CLSTN2: variants seen among roughly 807,000 people sequenced by gnomAD.
CLSTN2 encodes the protein calsyntenin-2.
Under a neutral mutation model 101.2 loss-of-function variants are expected in CLSTN2, and 48 were observed. The observed-to-expected ratio is 0.47, with a 90% CI of 0.38 to 0.60. CLSTN2 has a LOEUF of 0.60. Among genes scored for constraint, CLSTN2 ranks in the 20% least tolerant of loss-of-function variants. The probability of loss-of-function intolerance (pLI) is 0.00; values close to 1 mark genes in which losing one functional copy is unlikely to be tolerated. For synonymous variants in CLSTN2, 481 were observed against 463.6 expected, an observed-to-expected ratio of 1.04 and a Z score of -0.48; for missense variants, 1,160 against 1,238.2, an observed-to-expected ratio of 0.94 and a Z score of 0.95.
intron 1 of CLSTN2, among the ~76,000 whole-genome samples, chr3:140,128,877 T>C (rs924020252): frequency 2.6e-5 from 4 of 151,990 alleles, no homozygotes; most frequent in African/African-American, 9.7e-5. Context: ...TTCAGAGACC[T>C]TGGCAGCAGA....
intron 2 of CLSTN2, among the ~76,000 whole-genome samples, chr3:140,184,975 G>A (rs2010465970): frequency 6.6e-6 from 1 of 152,112 alleles, no homozygotes; most frequent in African/African-American, 2.4e-5. Context: ...AGCTACCACT[G>A]GTGTGGCCCA....
intron 2 of CLSTN2, among the ~76,000 whole-genome samples, chr3:140,288,448 C>A (rs1226508447): frequency 6.6e-6 from 1 of 152,140 alleles, no homozygotes; most frequent in African/African-American, 2.4e-5. Context: ...CTATTGCAAT[C>A]ACTAAACACC....
chr3:140,122,246 C>A (rs533310272), intron 1 of CLSTN2, among the ~76,000 whole-genome samples: 1 of 152,170 alleles, frequency 6.6e-6, no homozygotes. Flanking sequence ...ATCCCCACTA[C>A]AGGAACTTGT....
At chr3:140,425,911 A>C (rs1438271685) in intron 5 of CLSTN2, among the ~76,000 whole-genome samples, 1 of 152,140 alleles carries the variant, frequency 6.6e-6, no homozygotes, top group Non-Finnish European at 1.5e-5. Flanking sequence ...CATAAGCCAG[A>C]CCTGTGTGAG....
rs146071128 is a variant in CLSTN2 at position 140,294,320 on chromosome 3, G to T, written c.233-109309G>T. 9.3e-3 allele frequency among the ~76,000 whole-genome samples: 1,414 copies of T among 152,168 alleles called. 9 individuals carry two copies. Among genetic ancestry groups the T allele is most frequent in the Non-Finnish European group, 0.016 (1,074 of 67,998 alleles). ...TAATCTCAGTAGATTAAAATACAAAGGTTTATTTATCCATGAATTAAAATA... is the reference window on the plus strand; with the variant it reads ...TAATCTCAGTAGATTAAAATACAAATGTTTATTTATCCATGAATTAAAATA... On this transcript the variant is annotated intron_variant, in intron 2 of 16. Coordinates refer to ENST00000458420, the MANE Select transcript of CLSTN2 (RefSeq NM_022131.3).
At chr3:140,376,992 T>G (rs2087924671) in intron 2 of CLSTN2, among the ~76,000 whole-genome samples, 1 of 139,734 alleles carries the variant, frequency 7.2e-6, no homozygotes, top group South Asian at 2.3e-4. Flanking sequence ...TTAGAGGATT[T>G]CAGGTTAGTG....
intron 2 of CLSTN2, among the ~76,000 whole-genome samples, chr3:140,296,578 A>G (rs543745776): frequency 2.0e-5 from 3 of 152,278 alleles, no homozygotes; most frequent in Admixed American, 6.5e-5. Flanking sequence ...TTTAATTGGG[A>G]TGCTCATCAT....
intron 1 of CLSTN2, among the ~76,000 whole-genome samples, chr3:140,159,987 A>G (rs917954029): frequency 6.6e-6 from 1 of 152,084 alleles, no homozygotes; most frequent in Non-Finnish European, 1.5e-5. Flanking sequence ...GACAGAAACA[A>G]TAGATACTAT....
At chr3:140,182,800 C>T (rs952559241) in intron 2 of CLSTN2, among the ~76,000 whole-genome samples, 6 of 152,178 alleles carry the variant, frequency 3.9e-5, no homozygotes, top group Non-Finnish European at 7.3e-5. Flanking sequence ...CCAGTTCTGT[C>T]CATGGCATCC....
At chr3:140,503,171 A>G in intron 8 of CLSTN2, among the ~76,000 whole-genome samples, 1 of 152,152 alleles carries the variant, frequency 6.6e-6, no homozygotes, top group Admixed American at 6.5e-5. Context: ...ACCCACCTAA[A>G]TGGTCCAGGA....
At chr3:140,481,685 T>G (rs1934121359) in intron 8 of CLSTN2, among the ~76,000 whole-genome samples, 1 of 152,226 alleles carries the variant, frequency 6.6e-6, no homozygotes, top group East Asian at 1.9e-4. Context: ...GTTGGATTCC[T>G]AGGTATTTTA....
intron 2 of CLSTN2, among the ~76,000 whole-genome samples, chr3:140,281,663 CTGATTAGAAGCATCAAGT>C (rs1313014496): frequency 2.6e-5 from 4 of 152,072 alleles, no homozygotes; most frequent in Non-Finnish European, 5.9e-5. Context: ...CAACCCACAG[CTGATTAGAAGCATCAAGT>C]TTTGAGATGG....
At chr3:140,307,282 A>G (rs13315006) in intron 2 of CLSTN2, among the ~76,000 whole-genome samples, 28,678 of 151,994 alleles carry the variant, frequency 0.19, 2,832 homozygotes, top group East Asian at 0.35. Flanking sequence ...CAGAGTCCCA[A>G]ACCATGTGGG....
At chr3:140,346,774 T>A (rs1254890713) in intron 2 of CLSTN2, among the ~76,000 whole-genome samples, 1 of 152,080 alleles carries the variant, frequency 6.6e-6, no homozygotes, top group East Asian at 1.9e-4. Context: ...AATAACAACC[T>A]TGAAGGTGGT....
At chr3:140,129,011 G>T (rs1316368182) in intron 1 of CLSTN2, among the ~76,000 whole-genome samples, 1 of 152,148 alleles carries the variant, frequency 6.6e-6, no homozygotes, top group African/African-American at 2.4e-5. Flanking sequence ...AGGAGATCAG[G>T]AGTGTGAACA....
intron 2 of CLSTN2, among the ~76,000 whole-genome samples, chr3:140,342,546 C>A (rs535173140): frequency 8.5e-5 from 13 of 152,236 alleles, no homozygotes; most frequent in African/African-American, 2.9e-4. Context: ...AGGGAGACAG[C>A]CCCCTCTCAT....
chr3:139,974,145 C>T (rs960510386), intron 1 of CLSTN2, among the ~76,000 whole-genome samples: 4 of 152,284 alleles, frequency 2.6e-5, no homozygotes, highest in Admixed American at 2.6e-4. Flanking sequence ...CAGTTCGACC[C>T]AAGCCCAAAG....
rs190040040 is a variant in CLSTN2, at chr3:140,555,823, C to T, written c.1675-690C>T. On this transcript the variant is annotated intron_variant, in intron 10 of 16. Transcript: ENST00000458420. ...AGGATCTATGTCCAGCTTGAGTACC[C>T]AAGTGACTCAGTGGGGAGAATCGCC... is the stretch of plus-strand genomic sequence containing the variant. 2.0e-5 allele frequency among the ~76,000 whole-genome samples: 3 copies of T among 152,254 alleles called. No individual in the cohort carries two copies. The East Asian group carries it at 5.8e-4, about 29-fold the overall frequency.
chr3:140,428,718 A>G (rs2088598260), intron 5 of CLSTN2, among the ~76,000 whole-genome samples: 1 of 152,184 alleles, frequency 6.6e-6, no homozygotes, highest in South Asian at 2.1e-4. Flanking sequence ...AAGATATCCT[A>G]TTTAAAAGGA....
Sources: gnomAD v4.1 joint callset for allele counts (sites outside exome capture counted in the v4.1 genomes callset) on GRCh38, gnomAD v4.1.1 for gene constraint, MANE v1.5 for transcripts, NCBI Gene and HGNC (gene_info 2026-07-23, HGNC 2026-07-21) for gene names.